Variants in CAGE1 observed in about 807,000 individuals in gnomAD.
CAGE1 encodes the protein cancer-associated gene 1 protein.
A neutral mutation model predicts 94.9 loss-of-function variants in CAGE1; 66 were observed. The observed-to-expected ratio is 0.70, with a 90% CI of 0.57 to 0.85. The LOEUF (loss-of-function observed/expected upper bound fraction) is 0.85. Ranked by LOEUF, CAGE1 falls within the 40% of genes least tolerant of loss-of-function variation. The pLI is 0.00. For missense variants in CAGE1, 865 were observed against 950.4 expected (o/e 0.91, Z 1.18); for synonymous variants, 319 against 321.0 (o/e 0.99, Z 0.07).
At chr6:7,327,117 A>G (rs1185716867) in intron 13 of CAGE1, among the ~76,000 whole-genome samples, 1 of 152,186 alleles carries the variant, frequency 6.6e-6, no homozygotes, top group Non-Finnish European at 1.5e-5. Context: ...CAGTGGTACA[A>G]TCTCGGCTCA....
At chr6:7,364,288 A>C (rs1005286355) in intron 9 of CAGE1, among the ~76,000 whole-genome samples, 1 of 152,194 alleles carries the variant, frequency 6.6e-6, no homozygotes, top group African/African-American at 2.4e-5. Context: ...GTTAGATGCC[A>C]GCCATTGTAC....
intron 11 of CAGE1, among the ~76,000 whole-genome samples, chr6:7,335,730 A>G (rs1758932298): frequency 6.6e-6 from 1 of 152,150 alleles, no homozygotes; most frequent in Non-Finnish European, 1.5e-5. Flanking sequence ...GCATGCCACC[A>G]CACCTGACTA....
intron 11 of CAGE1, among the ~76,000 whole-genome samples, chr6:7,352,293 AAAAAAAAAAAAACAAAAAAAAAC>A (rs1361666660): frequency 1.0e-5 from 1 of 96,108 alleles, no homozygotes; most frequent in East Asian, 3.6e-4. Flanking sequence ...ATAGCTGCAA[AAAAAAAAAAAAACAAAAAAAAAC>A]AAAAAAAAAA....
intron 3 of CAGE1, among the ~76,000 whole-genome samples, chr6:7,383,110 T>C (rs1379935531): frequency 6.6e-6 from 1 of 152,168 alleles, no homozygotes; most frequent in African/African-American, 2.4e-5. Context: ...GATCTGATGG[T>C]TTCAAAGTGT....
chr6:7,342,214 T>C (rs371848439), intron 11 of CAGE1, among the ~76,000 whole-genome samples: 26 of 152,278 alleles, frequency 1.7e-4, no homozygotes, highest in African/African-American at 5.5e-4. Flanking sequence ...CCTAGAGTCC[T>C]GGGAAGGAAG....
chr6:7,344,949 A>G (rs906655271), intron 11 of CAGE1, among the ~76,000 whole-genome samples: 1 of 152,150 alleles, frequency 6.6e-6, no homozygotes, highest in Admixed American at 6.5e-5. Flanking sequence ...AAACGCACCA[A>G]TCAGCGCCCT....
intron 12 of CAGE1, among the ~76,000 whole-genome samples, chr6:7,333,033 C>A (rs1320972264): frequency 6.6e-6 from 1 of 152,106 alleles, no homozygotes; most frequent in Non-Finnish European, 1.5e-5. Context: ...TCACTGCAAC[C>A]TCTGCCTCCC....
At chr6:7,345,415 C>CTCACTGCAGGGG (rs1759437321) in intron 11 of CAGE1, among the ~76,000 whole-genome samples, 1 of 152,178 alleles carries the variant, frequency 6.6e-6, no homozygotes, top group South Asian at 2.1e-4. Context: ...AGCTGTAACC[C>CTCACTGCAGGGG]TCACTGCAGG....
At chr6:7,374,875 C>CA (rs1392893656) in intron 4 of CAGE1, among the ~76,000 whole-genome samples, 1 of 151,822 alleles carries the variant, frequency 6.6e-6, no homozygotes, top group Non-Finnish European at 1.5e-5. Flanking sequence ...GCCCAAAATA[C>CA]AAAAATTAGC....
At chr6:7,348,189 T>A (rs1001441081) in intron 11 of CAGE1, among the ~76,000 whole-genome samples, 7 of 152,120 alleles carry the variant, frequency 4.6e-5, no homozygotes, top group Non-Finnish European at 1.5e-5. Flanking sequence ...CCCTGCCACG[T>A]CCACGGGAAC....
At position 7,368,821 on chromosome 6, in the gene CAGE1, C is replaced by G. The variant is rs769326480; in HGVS notation, c.1894-23G>C. ...GTCCTAAGGGTAAGAGTTTCAGAAG[C>G]TAGATGAAAAAGTTTTTACTAAAGC... On this transcript the variant is annotated intron_variant, in intron 6 of 13. Coordinates refer to ENST00000502583, the MANE Select transcript of CAGE1 (RefSeq NM_001170692.2). The G allele has an allele frequency of 1.4e-5, 20 of 1,445,126 alleles. No individual in the cohort carries two copies. The South Asian group carries it at 2.6e-4, about 19-fold the overall frequency. 89.5% of individuals were successfully genotyped at this position (1,445,126 alleles called of 1,614,324 possible). A position where few individuals can be genotyped will look rare whatever the true frequency, so the allele number is the denominator to read the frequency against.
chr6:7,361,330 G>C (rs1208874880), intron 9 of CAGE1, among the ~76,000 whole-genome samples: 1 of 152,134 alleles, frequency 6.6e-6, no homozygotes, highest in Non-Finnish European at 1.5e-5. Flanking sequence ...AATTCTGCAA[G>C]GGCCAAGAAA....
At chr6:7,338,473 C>A (rs536719602) in intron 11 of CAGE1, among the ~76,000 whole-genome samples, 38 of 152,184 alleles carry the variant, frequency 2.5e-4, no homozygotes, top group Admixed American at 2.2e-3. Flanking sequence ...TTTTGTCAAA[C>A]GGTTTTTCTG....
chr6:7,387,863 CAAAA>C (rs70978962), intron 1 of CAGE1, among the ~76,000 whole-genome samples: 24,628 of 108,880 alleles, frequency 0.23, 2,599 homozygotes, highest in East Asian at 0.35. Flanking sequence ...ACTAAAAATA[CAAAA>C]AAAAAAAAAA....
chr6:7,338,862 C>G (rs1018044820), intron 11 of CAGE1: 1 of 1,454,764 alleles, frequency 6.9e-7, no homozygotes, highest in Admixed American at 1.7e-5. Flanking sequence ...ACTGAGGGCA[C>G]GGCAGGAGGC....
At chr6:7,352,099 G>A (rs1016086200) in intron 11 of CAGE1, among the ~76,000 whole-genome samples, 6 of 152,048 alleles carry the variant, frequency 3.9e-5, no homozygotes, top group African/African-American at 1.4e-4. Flanking sequence ...AACTGTCACT[G>A]TTGGCTGAAG....
At chr6:7,341,283 G>A in intron 11 of CAGE1, 4 of 662,848 alleles carry the variant, frequency 6.0e-6, no homozygotes, top group Non-Finnish European at 1.1e-5. Context: ...TGTGGTGGGT[G>A]TAAACAGAGT....
intron 5 of CAGE1, among the ~76,000 whole-genome samples, chr6:7,372,236 C>T (rs1188501862): frequency 6.6e-6 from 1 of 152,116 alleles, no homozygotes; most frequent in Non-Finnish European, 1.5e-5. Context: ...CTTTGGGAGG[C>T]TGAGGCAGGT....
Position 7,326,911 on chromosome 6 carries a change from A to G in CAGE1, c.2479-12T>C. The G allele has an allele frequency of 2.5e-6, 4 of 1,581,192 alleles. No homozygotes were observed. The highest frequency in any genetic ancestry group is 3.5e-6 in the Non-Finnish European group (4 of 1,150,764). ...AAAAGAGCTGGCATCTAAAAATGAA[A>G]GGAAAAATGTTTCGTAAGTTTTGGG... On this transcript the variant is annotated splice_polypyrimidine_tract_variant and intron_variant, in intron 13 of 13. Transcript: ENST00000502583.
Sources: gnomAD v4.1 joint callset for allele counts (sites outside exome capture counted in the v4.1 genomes callset) on GRCh38, gnomAD v4.1.1 for gene constraint, MANE v1.5 for transcripts, NCBI Gene and HGNC (gene_info 2026-07-23, HGNC 2026-07-21) for gene names.